GPCPD1: variants seen among roughly 807,000 people sequenced by gnomAD.
GPCPD1 encodes glycerophosphocholine phosphodiesterase GPCPD1.
A neutral mutation model predicts 89.2 loss-of-function variants in GPCPD1; 29 were observed. The ratio of observed to expected loss-of-function variants is 0.33; its 90% CI spans 0.24 to 0.44. GPCPD1 has a LOEUF of 0.44. Among genes scored for constraint, GPCPD1 ranks in the 20% least tolerant of loss-of-function variants. The probability of loss-of-function intolerance (pLI) is 1.00; values close to 1 mark genes in which losing one functional copy is unlikely to be tolerated. For missense variants in GPCPD1, 594 were observed against 808.9 expected (o/e 0.73, Z 3.22); for synonymous variants, 258 against 266.3 (o/e 0.97, Z 0.30).
rs527724740 is a variant in GPCPD1, at chr20:5,585,196, C to T, written c.308-874G>A. 4 of 152,168 alleles carry T rather than the reference C, an allele frequency of 2.6e-5. No individual in the cohort carries two copies. In the East Asian group the frequency reaches 5.8e-4, roughly 22 times the overall value. The allele number at this position is 152,168 out of a possible 1,614,324, so 9.4% of individuals were successfully genotyped here. ...ACATTCAATACCTAGTAAGTTCCAA[C>T]CTCAGTATGGGAATATTATAATTTT... On this transcript the variant is annotated intron_variant, in intron 5 of 19. Transcript: ENST00000379019.
chr20:5,581,643 C>T (rs993217127), intron 6 of GPCPD1, among the ~76,000 whole-genome samples: 1 of 152,104 alleles, frequency 6.6e-6, no homozygotes, highest in Admixed American at 6.6e-5. Context: ...CTTGAAGCTA[C>T]TCACCTACTT....
intron 3 of GPCPD1, among the ~76,000 whole-genome samples, chr20:5,595,261 C>T (rs185589713): frequency 1.2e-4 from 18 of 151,948 alleles, no homozygotes; most frequent in South Asian, 2.1e-4. Flanking sequence ...CAAACCTGCA[C>T]GTTCTGCACA....
At chr20:5,576,374 C>T (rs1294520090) in intron 8 of GPCPD1, among the ~76,000 whole-genome samples, 2 of 144,322 alleles carry the variant, frequency 1.4e-5, no homozygotes, top group African/African-American at 5.2e-5. Flanking sequence ...AAGCTGAGAT[C>T]GTACCACTGC....
At chr20:5,579,933 T>C in intron 7 of GPCPD1, 75 bp downstream of exon 7, 1 of 926,586 alleles carries the variant, frequency 1.1e-6, no homozygotes, top group Non-Finnish European at 1.7e-6. Flanking sequence ...ACTTAAAGGC[T>C]AAAACCAATT....
chr20:5,595,701 T>A (rs112118733), intron 3 of GPCPD1, among the ~76,000 whole-genome samples: 189 of 152,176 alleles, frequency 1.2e-3, no homozygotes, highest in African/African-American at 3.6e-3. Flanking sequence ...ATGTTCCCTA[T>A]TTTTCCCCAA....
intron 6 of GPCPD1, among the ~76,000 whole-genome samples, chr20:5,582,223 C>G (rs1164871628): frequency 8.4e-6 from 1 of 119,700 alleles, no homozygotes; most frequent in African/African-American, 3.5e-5. Context: ...AAAAAAACTA[C>G]TACTCCATAA....
At chr20:5,562,383 A>G (rs957574526) in intron 15 of GPCPD1, among the ~76,000 whole-genome samples, 1 of 152,160 alleles carries the variant, frequency 6.6e-6, no homozygotes, top group Non-Finnish European at 1.5e-5. Flanking sequence ...CTGGGGTTCA[A>G]GCAATTCTCC....
At chr20:5,582,558 G>T (rs894650968) in intron 6 of GPCPD1, among the ~76,000 whole-genome samples, 1 of 152,092 alleles carries the variant, frequency 6.6e-6, no homozygotes, top group African/African-American at 2.4e-5. Flanking sequence ...CCGCCCACCC[G>T]CTTTCCACCT....
At chr20:5,594,195 T>C (rs1254155375) in intron 3 of GPCPD1, among the ~76,000 whole-genome samples, 1 of 152,210 alleles carries the variant, frequency 6.6e-6, no homozygotes, top group Non-Finnish European at 1.5e-5. Context: ...GCTGGGAGCT[T>C]CTTAGAAATG....
chr20:5,609,777 G>T (rs981964944), intron 1 of GPCPD1, among the ~76,000 whole-genome samples: 10 of 148,258 alleles, frequency 6.7e-5, no homozygotes, highest in Middle Eastern at 3.5e-3. Flanking sequence ...CTTAAATCAG[G>T]AATGGATTGC....
intron 4 of GPCPD1, among the ~76,000 whole-genome samples, chr20:5,591,238 C>T (rs373034961): frequency 5.9e-5 from 9 of 152,172 alleles, no homozygotes; most frequent in South Asian, 4.1e-4. Flanking sequence ...AAAGAGAACA[C>T]GTCATTGTGA....
At chr20:5,552,175 A>T (rs1985453334) in intron 19 of GPCPD1, among the ~76,000 whole-genome samples, 1 of 152,188 alleles carries the variant, frequency 6.6e-6, no homozygotes, top group Non-Finnish European at 1.5e-5. Flanking sequence ...TAAAATTAAA[A>T]AAAAATGTTG....
At chr20:5,556,087 T>C (rs1985751337) in intron 19 of GPCPD1, among the ~76,000 whole-genome samples, 1 of 152,230 alleles carries the variant, frequency 6.6e-6, no homozygotes. Context: ...GCAAAATGAT[T>C]ATGATTTGCT....
At chr20:5,550,376 G>GA (rs972689358) in intron 19 of GPCPD1, among the ~76,000 whole-genome samples, 20 of 146,840 alleles carry the variant, frequency 1.4e-4, no homozygotes, top group African/African-American at 2.8e-4. Flanking sequence ...CTTCTATAAA[G>GA]AAAAAAATCA....
At chr20:5,594,430 C>A (rs1979558047) in intron 3 of GPCPD1, among the ~76,000 whole-genome samples, 1 of 152,174 alleles carries the variant, frequency 6.6e-6, no homozygotes, top group Admixed American at 6.5e-5. Flanking sequence ...GCTGGGACTA[C>A]AGGCACCCGC....
At chr20:5,550,150 C>T (rs866054228) in intron 19 of GPCPD1, among the ~76,000 whole-genome samples, 24 of 151,250 alleles carry the variant, frequency 1.6e-4, no homozygotes, top group Non-Finnish European at 7.4e-5. Flanking sequence ...GCCCAGATCG[C>T]ACCACTGAAC....
rs754394434 is a variant in GPCPD1, at chr20:5,547,649, G to C, written c.*12C>G. The C allele has an allele frequency of 7.9e-6, 12 of 1,509,566 alleles. No individual in the cohort carries two copies. Among genetic ancestry groups the C allele is most frequent in the Non-Finnish European group, 1.0e-5 (11 of 1,090,358 alleles). The allele number at this position is 1,509,566 out of a possible 1,614,324, so 93.5% of individuals were successfully genotyped here. ...GGTGCACGCCCCCAAAATGACCTCT[G>C]TGCAATAAAAACTAAGCATTCTCCA... On this transcript the variant is annotated 3_prime_UTR_variant, in exon 20 of 20. Coordinates refer to ENST00000379019, the MANE Select transcript of GPCPD1 (RefSeq NM_019593.5).
chr20:5,580,727 C>CAA (rs35415062), intron 6 of GPCPD1, among the ~76,000 whole-genome samples: 94 of 85,906 alleles, frequency 1.1e-3, no homozygotes, highest in African/African-American at 2.3e-3. Context: ...CTCCATCTCA[C>CAA]AAAAAAAAAA....
chr20:5,577,184 C>T (rs1398777041), intron 8 of GPCPD1, among the ~76,000 whole-genome samples: 1 of 151,426 alleles, frequency 6.6e-6, no homozygotes, highest in African/African-American at 2.4e-5. Context: ...CCTGCCTCAG[C>T]CTCTCGAGTA....
Sources: allele counts gnomAD v4.1 joint callset (sites outside exome capture counted in the v4.1 genomes callset), GRCh38; gene constraint gnomAD v4.1.1; transcripts MANE v1.5; gene names NCBI Gene and HGNC (gene_info 2026-07-23, HGNC 2026-07-21).